Variants in KCNQ1OT1 observed in about 807,000 individuals in gnomAD.
KCNQ1OT1 encodes KCNQ1 opposite strand/antisense transcript 1, also known as KCNQ1 antisense RNA 2 (non-protein coding).
At position 2,642,140 on chromosome 11, in the gene KCNQ1OT1, TCTATTTC is replaced by T. The variant is rs1849590118; in HGVS notation, n.57848_57854del. On this transcript the variant is annotated non_coding_transcript_exon_variant, in exon 1 of 1. Transcript: ENST00000597346. The surrounding 1 kb of genome is among the most constrained non-coding windows in gnomAD (Gnocchi z 4.3). ...GTTCCATCTGAATTTTAGGATTTTTTCTATTTCCATGAAAAATGGCATTGGTATTTTG... is the reference window on the plus strand; with the variant it reads ...GTTCCATCTGAATTTTAGGATTTTTTCATGAAAAATGGCATTGGTATTTTG... The T allele has an allele frequency of 2.5e-6, 1 of 398,494 alleles. No individual in the cohort carries two copies. Among genetic ancestry groups the T allele is most frequent in the African/African-American group, 2.1e-5 (1 of 48,762 alleles). The allele number at this position is 398,494 out of a possible 1,614,324, so 24.7% of individuals were successfully genotyped here. A position where few individuals can be genotyped will look rare whatever the true frequency, so the allele number is the denominator to read the frequency against.
chr11:2,687,367 G>C lies in KCNQ1OT1; in HGVS notation n.12628C>G. The C allele has an allele frequency of 2.5e-6, 1 of 398,698 alleles. No individual in the cohort carries two copies. The highest frequency in any genetic ancestry group is 4.4e-6 in the Non-Finnish European group (1 of 226,104). 24.7% of individuals were successfully genotyped at this position (398,698 alleles called of 1,614,324 possible). ...GAGGTAGCCAGGTCTGCCTTGGGCT[G>C]TCACTCAGGGCTGAGCTCTGCTGAA... On this transcript the variant is annotated non_coding_transcript_exon_variant, in exon 1 of 1. Transcript: ENST00000597346. This position sits in a 1 kb window ranked among gnomAD's most constrained non-coding sequence, Gnocchi z 5.0.
chr11:2,635,675 G>A (rs1849453082), exon 1 of KCNQ1OT1: 1 of 152,026 alleles, frequency 6.6e-6, no homozygotes, highest in South Asian at 2.1e-4. Context: ...GCTCTTTTTT[G>A]GTTCCATATG....
Position 2,628,152 on chromosome 11 carries a change from G to A in KCNQ1OT1, n.71843C>T, listed in dbSNP as rs549511573. On this transcript the variant is annotated non_coding_transcript_exon_variant, in exon 1 of 1. Transcript: ENST00000597346. ...GACTTTGTTTTCCTTAGATATACCC[G>A]GAACTGAGACTGCTGGATCATATAG... is the stretch of plus-strand genomic sequence containing the variant. 4.5e-4 allele frequency: 178 copies of A among 398,490 alleles called. 2 individuals carry two copies. Among genetic ancestry groups the A allele is most frequent in the Non-Finnish European group, 6.8e-4 (154 of 226,038 alleles). The allele number at this position is 398,490 out of a possible 1,614,324, so 24.7% of individuals were successfully genotyped here. A position where few individuals can be genotyped will look rare whatever the true frequency, so the allele number is the denominator to read the frequency against.
At chr11:2,699,049 C>G in exon 1 of KCNQ1OT1, 2 of 398,656 alleles carry the variant, frequency 5.0e-6, no homozygotes, top group Non-Finnish European at 4.4e-6. Context: ...GGTCCCAATT[C>G]GGGCTTTGAC....
chr11:2,655,545 G>T (rs1849830846), exon 1 of KCNQ1OT1: 1 of 398,744 alleles, frequency 2.5e-6, no homozygotes. Context: ...CTCTGCAGCT[G>T]TGAGTTCAGG....
exon 1 of KCNQ1OT1, chr11:2,648,671 A>G (rs554884355): frequency 2.5e-6 from 1 of 398,538 alleles, no homozygotes; most frequent in East Asian, 3.6e-5. Context: ...AAATTTATTG[A>G]GACCCGTTTT....
exon 1 of KCNQ1OT1, chr11:2,685,564 T>G: frequency 2.5e-6 from 1 of 398,666 alleles, no homozygotes; most frequent in Admixed American, 4.4e-5. Context: ...CTACAGCTCT[T>G]GGCCCTTCCA....
In KCNQ1OT1 at chr11:2,659,432, ATTAG is replaced by A. The variant is rs1404614177; in HGVS notation, n.40559_40562del. The A allele has an allele frequency of 2.5e-6, 1 of 398,620 alleles. No homozygotes were observed. The highest frequency in any genetic ancestry group is 1.3e-4 in the South Asian group (1 of 7,862). 24.7% of individuals were successfully genotyped at this position (398,620 alleles called of 1,614,324 possible). Reference sequence around the variant, plus strand: ...ATTCATCCATGTTGTTGCATAAATCATTAGTTAATTTCTTTTTATTGCTGGGTGG... The same window carrying A: ...ATTCATCCATGTTGTTGCATAAATCATTAATTTCTTTTTATTGCTGGGTGG... On this transcript the variant is annotated non_coding_transcript_exon_variant, in exon 1 of 1. Transcript: ENST00000597346. The surrounding 1 kb of genome is among the most constrained non-coding windows in gnomAD (Gnocchi z 4.3).
exon 1 of KCNQ1OT1, chr11:2,692,295 CTTCCCTCCA>C: frequency 2.5e-6 from 1 of 399,022 alleles, no homozygotes; most frequent in East Asian, 3.6e-5. Flanking sequence ...AGGTTCCCTG[CTTCCCTCCA>C]TCCCTATTGC....
At position 2,654,592 on chromosome 11, in the gene KCNQ1OT1, G is replaced by T. The variant is rs929640732; in HGVS notation, n.45403C>A. 5 of 398,770 alleles carry T rather than the reference G, an allele frequency of 1.3e-5. No individual in the cohort carries two copies. Among genetic ancestry groups the T allele is most frequent in the Middle Eastern group, 6.3e-4 (1 of 1,588 alleles). 24.7% of individuals were successfully genotyped at this position (398,770 alleles called of 1,614,324 possible). A position where few individuals can be genotyped will look rare whatever the true frequency, so the allele number is the denominator to read the frequency against. ...ATCAATCAGGAGGGGAAGGGCAGGGGGTGAGTGGTTGGGTGAAGTTACTAG... is the reference window on the plus strand; with the variant it reads ...ATCAATCAGGAGGGGAAGGGCAGGGTGTGAGTGGTTGGGTGAAGTTACTAG... On this transcript the variant is annotated non_coding_transcript_exon_variant, in exon 1 of 1. Coordinates refer to ENST00000597346, the Ensembl canonical transcript of KCNQ1OT1. This position sits in a 1 kb window ranked among gnomAD's most constrained non-coding sequence, Gnocchi z 6.4.
At position 2,664,943 on chromosome 11, in the gene KCNQ1OT1, G is replaced by A. The variant is rs890461157; in HGVS notation, n.35052C>T. 2 of 398,502 alleles carry A rather than the reference G, an allele frequency of 5.0e-6. No homozygotes were observed. Among genetic ancestry groups the A allele is most frequent in the African/African-American group, 4.1e-5 (2 of 48,612 alleles). The allele number at this position is 398,502 out of a possible 1,614,324, so 24.7% of individuals were successfully genotyped here. A position where few individuals can be genotyped will look rare whatever the true frequency, so the allele number is the denominator to read the frequency against. ...CGCCCGCAGGGCCCCAGAGAGGTGA[G>A]GTCACTATAGCCTTGATTACGGGAA... On this transcript the variant is annotated non_coding_transcript_exon_variant, in exon 1 of 1. Coordinates refer to ENST00000597346, the Ensembl canonical transcript of KCNQ1OT1. The surrounding 1 kb of genome is among the most constrained non-coding windows in gnomAD (Gnocchi z 5.1).
At chr11:2,629,457 T>C (rs1849316732) in exon 1 of KCNQ1OT1, 1 of 398,376 alleles carries the variant, frequency 2.5e-6, no homozygotes, top group Non-Finnish European at 4.4e-6. Flanking sequence ...AGTTTTATAG[T>C]TTTAGGTCTT....
chr11:2,646,634 TC>T (rs1185860424), exon 1 of KCNQ1OT1: 1 of 398,716 alleles, frequency 2.5e-6, no homozygotes, highest in African/African-American at 2.1e-5. Flanking sequence ...CAAGTGATCC[TC>T]CCATCTCAGC....
chr11:2,640,354 C>G, exon 1 of KCNQ1OT1: 1 of 398,556 alleles, frequency 2.5e-6, no homozygotes, highest in Non-Finnish European at 4.4e-6. Flanking sequence ...TGGAACCACC[C>G]CACTTACTGC....
At position 2,698,971 on chromosome 11, in the gene KCNQ1OT1, A is replaced by G; in HGVS notation, n.1024T>C. The stretch of plus-strand genomic sequence containing the variant: ...CTAGGATACCTAACTCAGAACCACA[A>G]CGGGGATTCCCACCTCCGATCCTAA... On this transcript the variant is annotated non_coding_transcript_exon_variant, in exon 1 of 1. Transcript: ENST00000597346. The surrounding 1 kb of genome is among the most constrained non-coding windows in gnomAD (Gnocchi z 5.1). 5.0e-6 allele frequency: 2 copies of G among 398,472 alleles called. No homozygotes were observed. The highest frequency in any genetic ancestry group is 8.8e-6 in the Non-Finnish European group (2 of 226,030). 24.7% of individuals were successfully genotyped at this position (398,472 alleles called of 1,614,324 possible).
In KCNQ1OT1 at chr11:2,674,747, C is replaced by A. The variant is rs2133872761; in HGVS notation, n.25248G>T. 2.5e-6 allele frequency: 1 copy of A among 397,970 alleles called. No homozygotes were observed. The allele number at this position is 397,970 out of a possible 1,614,324, so 24.7% of individuals were successfully genotyped here. ...CTTAACTCGTTAAAGTTGCTCCAAT[C>A]CCAGCCCAGTGCCAGACCAGCTTCC... On this transcript the variant is annotated non_coding_transcript_exon_variant, in exon 1 of 1. Coordinates refer to ENST00000597346, the Ensembl canonical transcript of KCNQ1OT1. The surrounding 1 kb of genome is among the most constrained non-coding windows in gnomAD (Gnocchi z 5.9).
rs1849227709 is a variant in KCNQ1OT1, at chr11:2,624,351, C to T, written n.75644G>A. 1 of 398,274 alleles carries T rather than the reference C, an allele frequency of 2.5e-6. No individual in the cohort carries two copies. The highest frequency in any genetic ancestry group is 4.4e-6 in the Non-Finnish European group (1 of 226,008). 24.7% of individuals were successfully genotyped at this position (398,274 alleles called of 1,614,324 possible). A position where few individuals can be genotyped will look rare whatever the true frequency, so the allele number is the denominator to read the frequency against. On this transcript the variant is annotated non_coding_transcript_exon_variant, in exon 1 of 1. Transcript: ENST00000597346. The surrounding 1 kb of genome is among the most constrained non-coding windows in gnomAD (Gnocchi z 4.9). The stretch of plus-strand genomic sequence containing the variant: ...CAGGTATATCTTTTACAAGTATTGT[C>T]TCCCTTCTGTGGCCTGTCCTTTCAT...
At chr11:2,631,495 GTC>G (rs141868481) in exon 1 of KCNQ1OT1, 60,885 of 397,972 alleles carry the variant, frequency 0.15, 5,285 homozygotes, top group African/African-American at 0.28. Flanking sequence ...TCATTAGGTT[GTC>G]TCTCTGTTCT....
rs534958568 is a variant in KCNQ1OT1, at chr11:2,664,916, C to G, written n.35079G>C. On this transcript the variant is annotated non_coding_transcript_exon_variant, in exon 1 of 1. Coordinates refer to ENST00000597346, the Ensembl canonical transcript of KCNQ1OT1. The surrounding 1 kb of genome is among the most constrained non-coding windows in gnomAD (Gnocchi z 5.1). The stretch of plus-strand genomic sequence containing the variant: ...CATTTTGTTTCCATCTCGAGCTCTC[C>G]CCGCCCGCAGGGCCCCAGAGAGGTG... 7.5e-6 allele frequency: 3 copies of G among 398,626 alleles called. No homozygotes were observed. The East Asian group carries it at 1.1e-4, about 14-fold the overall frequency. 24.7% of individuals were successfully genotyped at this position (398,626 alleles called of 1,614,324 possible).
Sources: allele counts gnomAD v4.1 joint callset, GRCh38; gene constraint gnomAD v4.1.1; non-coding constraint Gnocchi (gnomAD v3.1); transcripts MANE v1.5; gene names NCBI Gene and HGNC (gene_info 2026-07-23, HGNC 2026-07-21).